The following EDC3 variants were observed in gnomAD, a reference collection of about 807,000 sequenced individuals.
The protein encoded by EDC3 is enhancer of mRNA-decapping protein 3.
A neutral mutation model predicts 41.8 loss-of-function variants in EDC3; 20 were observed. The observed-to-expected ratio is 0.48, with a 90% CI of 0.34 to 0.70. The LOEUF is 0.70. Among genes scored for constraint, EDC3 ranks in the 30% least tolerant of loss-of-function variants. The pLI is 0.01. For synonymous variants in EDC3, 206 were observed against 243.2 expected, an observed-to-expected ratio of 0.85 and a Z score of 1.42; for missense variants, 444 against 636.8, an observed-to-expected ratio of 0.70 and a Z score of 3.26.
chr15:74,688,683 A>G (rs2062966036), intron 1 of EDC3, among the ~76,000 whole-genome samples: 2 of 152,194 alleles, frequency 1.3e-5, no homozygotes, highest in African/African-American at 4.8e-5. Context: ...CGGCGGGTGG[A>G]TCACTTGAGG....
chr15:74,680,142 T>C (rs1158972455), intron 1 of EDC3, among the ~76,000 whole-genome samples: 1 of 148,844 alleles, frequency 6.7e-6, no homozygotes, highest in Non-Finnish European at 1.5e-5. Flanking sequence ...TGCTCCTGAG[T>C]CCCAGCTACT....
rs571185432 is a variant in EDC3 at position 74,648,328 on chromosome 15, G to T, written c.820+7405C>A. 4.6e-5 allele frequency among the ~76,000 whole-genome samples: 7 copies of T among 152,332 alleles called. No individual in the cohort carries two copies. The South Asian group carries it at 8.3e-4, about 18-fold the overall frequency. On this transcript the variant is annotated intron_variant, in intron 4 of 6. Transcript: ENST00000315127. ...CTTCTAGAGGGACTCTTGGTGACAA[G>T]AAGCAGAGGAAGGCAGCTACGGCTC...
Position 74,668,765 on chromosome 15 carries a change from A to AG in EDC3, c.484+2689_484+2690insC, listed in dbSNP as rs397823924. On this transcript the variant is annotated intron_variant, in intron 3 of 6. Coordinates refer to ENST00000315127, the MANE Select transcript of EDC3 (RefSeq NM_025083.5). ...AAGAAAGAAAGAAAGAAAGAAAGAA[A>AG]AAGGTTAAAGTCTAAATGGAAAGAA... Among the ~76,000 whole-genome samples, 340 of 152,136 alleles carry AG rather than the reference A, an allele frequency of 2.2e-3. 1 individual carries two copies. The highest frequency in any genetic ancestry group is 0.02 in the Middle Eastern group (6 of 294).
At chr15:74,672,817 A>G (rs1177286622) in intron 2 of EDC3, among the ~76,000 whole-genome samples, 1 of 152,074 alleles carries the variant, frequency 6.6e-6, no homozygotes, top group Admixed American at 6.6e-5. Flanking sequence ...TCTGTCTCAA[A>G]AAAAAAAAAT....
At chr15:74,638,981 C>T (rs1341296468) in intron 5 of EDC3, 1 of 151,878 alleles carries the variant, frequency 6.6e-6, no homozygotes, top group Non-Finnish European at 1.5e-5. Flanking sequence ...CAAAGTCTCA[C>T]TACGTTGCCC....
At chr15:74,659,523 G>T (rs1232170446) in intron 3 of EDC3, among the ~76,000 whole-genome samples, 5 of 140,790 alleles carry the variant, frequency 3.6e-5, no homozygotes, top group African/African-American at 1.1e-4. Flanking sequence ...GGCAAATAAT[G>T]AAAATATGAT....
intron 4 of EDC3, chr15:74,643,516 C>T (rs1166472803): frequency 6.6e-6 from 1 of 152,238 alleles, no homozygotes; most frequent in Non-Finnish European, 1.5e-5. Context: ...CTGATTTCCA[C>T]TGCATGAGGC....
intron 3 of EDC3, among the ~76,000 whole-genome samples, chr15:74,666,606 T>G (rs571590850): frequency 6.6e-6 from 1 of 152,352 alleles, no homozygotes; most frequent in South Asian, 2.1e-4. Context: ...GGCTACATAC[T>G]GTATGATTTT....
intron 3 of EDC3, among the ~76,000 whole-genome samples, chr15:74,665,087 G>A (rs1176572638): frequency 9.2e-5 from 14 of 152,152 alleles, no homozygotes; most frequent in African/African-American, 3.1e-4. Flanking sequence ...GCAATGGCAC[G>A]ATCTCGGCTC....
rs571709935 is a variant in EDC3 at position 74,681,677 on chromosome 15, C to T, written c.-18-6535G>A. Among the ~76,000 whole-genome samples, 9 of 152,206 alleles carry T rather than the reference C, an allele frequency of 5.9e-5. No individual in the cohort carries two copies. The East Asian group carries it at 7.7e-4, about 13-fold the overall frequency. Reference sequence around the variant, plus strand: ...GCAGCATAGTTTTTACAACAAATAGCGCTGGAGCAAATGTAAATCCATCAG... The same window carrying T: ...GCAGCATAGTTTTTACAACAAATAGTGCTGGAGCAAATGTAAATCCATCAG... On this transcript the variant is annotated intron_variant, in intron 1 of 6. Coordinates refer to ENST00000315127, the MANE Select transcript of EDC3 (RefSeq NM_025083.5).
chr15:74,674,868 G>A lies in EDC3; in HGVS notation c.164+93C>T, dbSNP rs891119433. On this transcript the variant is annotated intron_variant, in intron 2 of 6. Coordinates refer to ENST00000315127, the MANE Select transcript of EDC3 (RefSeq NM_025083.5). Reference sequence around the variant, plus strand: ...CATCTCTACTAAAAATACAAAAAGCGGCCATATGCCAAGAGAATACTAGCA... The same window carrying A: ...CATCTCTACTAAAAATACAAAAAGCAGCCATATGCCAAGAGAATACTAGCA... 1.3e-5 allele frequency: 19 copies of A among 1,415,780 alleles called. No individual in the cohort carries two copies. The East Asian group carries it at 3.4e-4, about 26-fold the overall frequency. 87.7% of individuals were successfully genotyped at this position (1,415,780 alleles called of 1,614,324 possible).
chr15:74,645,231 G>A (rs142403620), intron 4 of EDC3: 14 of 152,266 alleles, frequency 9.2e-5, no homozygotes, highest in African/African-American at 3.4e-4. Context: ...ATATTACTGG[G>A]ATAATTGGGA....
intron 1 of EDC3, among the ~76,000 whole-genome samples, chr15:74,690,769 A>C (rs1415209792): frequency 6.6e-6 from 1 of 152,194 alleles, no homozygotes; most frequent in East Asian, 1.9e-4. Flanking sequence ...CAACATAGCA[A>C]GACTGTTTCC....
intron 3 of EDC3, among the ~76,000 whole-genome samples, chr15:74,657,845 C>T (rs1242886917): frequency 6.6e-6 from 1 of 152,176 alleles, no homozygotes; most frequent in African/African-American, 2.4e-5. Context: ...TTTCTTTAGA[C>T]CTTTCGGTTA....
chr15:74,663,037 A>G (rs897727757), intron 3 of EDC3, among the ~76,000 whole-genome samples: 3 of 152,228 alleles, frequency 2.0e-5, no homozygotes, highest in Non-Finnish European at 2.9e-5. Flanking sequence ...CTGTAATCCC[A>G]GCACTGTGGG....
At chr15:74,652,897 C>T (rs1439228141) in intron 4 of EDC3, among the ~76,000 whole-genome samples, 4 of 152,052 alleles carry the variant, frequency 2.6e-5, no homozygotes, top group South Asian at 4.1e-4. Flanking sequence ...AACCCTTTAC[C>T]AGCTGGGCGT....
At position 74,643,837 on chromosome 15, in the gene EDC3, A is replaced by G. The variant is rs1399153925; in HGVS notation, c.821-3218T>C. ...TCTCACTGATTGGCCCTTTAATTGGAAAGGCTGCATGTGTCCCAAGTCTTA... is the reference window on the plus strand; with the variant it reads ...TCTCACTGATTGGCCCTTTAATTGGGAAGGCTGCATGTGTCCCAAGTCTTA... On this transcript the variant is annotated intron_variant, in intron 4 of 6. Transcript: ENST00000315127. 3.9e-5 allele frequency: 6 copies of G among 152,280 alleles called. No homozygotes were observed. The East Asian group carries it at 9.6e-4, about 24-fold the overall frequency. 9.4% of individuals were successfully genotyped at this position (152,280 alleles called of 1,614,324 possible). A position where few individuals can be genotyped will look rare whatever the true frequency, so the allele number is the denominator to read the frequency against.
chr15:74,693,771 G>A (rs973502665), intron 1 of EDC3, among the ~76,000 whole-genome samples: 1 of 152,078 alleles, frequency 6.6e-6, no homozygotes, highest in Admixed American at 6.6e-5. Context: ...ATCACCTGAG[G>A]TCGGGAGTTC....
At chr15:74,680,927 C>T (rs753588579) in intron 1 of EDC3, among the ~76,000 whole-genome samples, 45 of 151,796 alleles carry the variant, frequency 3.0e-4, no homozygotes, top group Non-Finnish European at 5.6e-4. Flanking sequence ...AAAAAGGGTA[C>T]AGGATTTGTA....
Sources: allele counts gnomAD v4.1 joint callset (sites outside exome capture counted in the v4.1 genomes callset), GRCh38; gene constraint gnomAD v4.1.1; transcripts MANE v1.5; gene names NCBI Gene and HGNC (gene_info 2026-07-23, HGNC 2026-07-21).